AK8: variants seen among roughly 807,000 people sequenced by gnomAD.
AK8 encodes the protein adenylate kinase 8.
AK8 carries 44 observed loss-of-function variants against 54.6 expected under a neutral mutation model. The ratio of observed to expected loss-of-function variants is 0.81; its 90% CI spans 0.63 to 1.04. The LOEUF (loss-of-function observed/expected upper bound fraction) is 1.04. Among genes scored for constraint, AK8 ranks in the 50% least tolerant of loss-of-function variants. The pLI, the probability that AK8 is intolerant of heterozygous loss-of-function variation, is 0.00. For synonymous variants in AK8, 239 were observed against 245.6 expected (o/e 0.97, Z 0.25); for missense variants, 555 against 613.6 (o/e 0.90, Z 1.01).
chr9:132,847,162 G>A (rs780384418), intron 5 of AK8, among the ~76,000 whole-genome samples: 1 of 152,212 alleles, frequency 6.6e-6, no homozygotes, highest in Non-Finnish European at 1.5e-5. Context: ...GGGGAAGAGC[G>A]GCCCAGACAC....
intron 11 of AK8, among the ~76,000 whole-genome samples, chr9:132,748,230 G>A (rs1034438383): frequency 3.3e-5 from 5 of 151,244 alleles, no homozygotes; most frequent in South Asian, 2.1e-4. Context: ...AGACTGGACC[G>A]GAAGTTCTTA....
At chr9:132,828,496 G>T (rs1280225411) in intron 6 of AK8, 149 bp downstream of exon 6, 4 of 662,446 alleles carry the variant, frequency 6.0e-6, no homozygotes, top group African/African-American at 3.7e-5. Context: ...TTAGCTCTGT[G>T]AAAAATTCAG....
At chr9:132,829,382 CT>C (rs1362020704) in intron 5 of AK8, among the ~76,000 whole-genome samples, 6 of 152,194 alleles carry the variant, frequency 3.9e-5, no homozygotes, top group African/African-American at 1.4e-4. Flanking sequence ...TACACAGCCA[CT>C]TAACTATGTC....
Position 132,814,623 on chromosome 9 carries a change from G to A in AK8, c.979+15C>T. On this transcript the variant is annotated intron_variant, in intron 10 of 12. Transcript: ENST00000298545. ...AGCCTGTAAGGTCATGACAGTTAGT[G>A]GGAACGTGGCCTACCTGCCATCTCC... 6.2e-7 allele frequency: 1 copy of A among 1,612,088 alleles called. No homozygotes were observed. Among genetic ancestry groups the A allele is most frequent in the Non-Finnish European group, 8.5e-7 (1 of 1,178,776 alleles).
At chr9:132,840,288 T>A (rs1253281558) in intron 5 of AK8, among the ~76,000 whole-genome samples, 1 of 151,992 alleles carries the variant, frequency 6.6e-6, no homozygotes, top group East Asian at 1.9e-4. Flanking sequence ...CAGCTCCATC[T>A]CCAAAGGAGT....
intron 9 of AK8, among the ~76,000 whole-genome samples, chr9:132,818,514 G>C (rs955901544): frequency 6.6e-6 from 1 of 151,752 alleles, no homozygotes; most frequent in African/African-American, 2.4e-5. Flanking sequence ...AAATAGGCTG[G>C]GACAAGCAAA....
intron 11 of AK8, among the ~76,000 whole-genome samples, chr9:132,757,910 C>T (rs1838269574): frequency 6.6e-6 from 1 of 152,216 alleles, no homozygotes; most frequent in South Asian, 2.1e-4. Context: ...AACACTTCCA[C>T]AGCTTGAGCA....
rs936875831 is a variant in AK8, at chr9:132,790,831, G to A, written c.1121+1803C>T. 1.3e-5 allele frequency among the ~76,000 whole-genome samples: 2 copies of A among 152,254 alleles called. No homozygotes were observed. Among genetic ancestry groups the A allele is most frequent in the Admixed American group, 6.5e-5 (1 of 15,304 alleles). ...CCAAAACAGTAAGAGGGTTTGAGAA[G>A]GTGGCTGGGGTATAAAATAAGTAAG... On this transcript the variant is annotated intron_variant, in intron 11 of 12. Transcript: ENST00000298545. The surrounding 1 kb of genome is among the most constrained non-coding windows in gnomAD (Gnocchi z 4.1).
At chr9:132,855,697 C>A (rs1337350107) in intron 4 of AK8, among the ~76,000 whole-genome samples, 6 of 152,376 alleles carry the variant, frequency 3.9e-5, no homozygotes, top group Admixed American at 3.9e-4. Context: ...CAACAAGCAG[C>A]AATCATGACG....
chr9:132,839,755 C>T (rs1477874725), intron 5 of AK8, among the ~76,000 whole-genome samples: 3 of 143,640 alleles, frequency 2.1e-5, no homozygotes, highest in Admixed American at 7.2e-5. Flanking sequence ...TGTCTTAGTC[C>T]GTTTTTGCGG....
intron 4 of AK8, among the ~76,000 whole-genome samples, chr9:132,859,891 GC>G (rs1843318412): frequency 6.6e-6 from 1 of 152,152 alleles, no homozygotes; most frequent in Non-Finnish European, 1.5e-5. Flanking sequence ...AGGTGTTAGG[GC>G]CACTACTGTG....
At chr9:132,853,564 G>A (rs1173636346) in intron 5 of AK8, among the ~76,000 whole-genome samples, 3 of 151,926 alleles carry the variant, frequency 2.0e-5, no homozygotes, top group Non-Finnish European at 4.4e-5. Context: ...GGGAGGCCAA[G>A]GCAGGAGGAC....
chr9:132,763,014 C>T (rs994691731), intron 11 of AK8, among the ~76,000 whole-genome samples: 2 of 152,212 alleles, frequency 1.3e-5, no homozygotes, highest in Non-Finnish European at 2.9e-5. Context: ...CAGCAGCTCC[C>T]ACCACCCTTT....
At chr9:132,794,920 G>C (rs193249665) in intron 10 of AK8, among the ~76,000 whole-genome samples, 1 of 152,138 alleles carries the variant, frequency 6.6e-6, no homozygotes, top group East Asian at 1.9e-4. Flanking sequence ...TGTTGTGACC[G>C]GCTCACACCG....
At chr9:132,820,736 T>A (rs963430989) in intron 9 of AK8, among the ~76,000 whole-genome samples, 3 of 152,184 alleles carry the variant, frequency 2.0e-5, no homozygotes, top group African/African-American at 7.2e-5. Flanking sequence ...GGCTGTCTGT[T>A]TTTTTGTTGG....
intron 5 of AK8, among the ~76,000 whole-genome samples, chr9:132,832,579 G>A (rs1019752353): frequency 2.0e-5 from 3 of 152,196 alleles, no homozygotes. Context: ...TTCTGTTTTA[G>A]TCCCTTTTTG....
At chr9:132,838,547 C>A (rs1040746247) in intron 5 of AK8, among the ~76,000 whole-genome samples, 1 of 152,198 alleles carries the variant, frequency 6.6e-6, no homozygotes, top group African/African-American at 2.4e-5. Context: ...CAGAATGGTC[C>A]AGGTGTTGCA....
intron 10 of AK8, among the ~76,000 whole-genome samples, chr9:132,808,305 C>G (rs1272217934): frequency 6.6e-6 from 1 of 152,124 alleles, no homozygotes; most frequent in Non-Finnish European, 1.5e-5. Context: ...GTTCTGTTCA[C>G]TGCAGCTCAA....
chr9:132,730,945 T>C (rs2130938911), intron 11 of AK8, among the ~76,000 whole-genome samples: 1 of 152,336 alleles, frequency 6.6e-6, no homozygotes, highest in East Asian at 1.9e-4. Flanking sequence ...CTGTTCTCCT[T>C]GGCTTGTAGA....
Sources: allele counts gnomAD v4.1 joint callset (sites outside exome capture counted in the v4.1 genomes callset), GRCh38; gene constraint gnomAD v4.1.1; non-coding constraint Gnocchi (gnomAD v3.1); transcripts MANE v1.5; gene names NCBI Gene and HGNC (gene_info 2026-07-23, HGNC 2026-07-21).